Variants in PPM1E observed in about 807,000 individuals in gnomAD.
PPM1E encodes protein phosphatase 1E.
PPM1E carries 20 observed loss-of-function variants against 65.9 expected under a neutral mutation model. The ratio of observed to expected loss-of-function variants is 0.30; its 90% CI spans 0.21 to 0.44. The LOEUF (loss-of-function observed/expected upper bound fraction) is 0.44. Among genes scored for constraint, PPM1E ranks in the 20% least tolerant of loss-of-function variants. The pLI, the probability that PPM1E is intolerant of heterozygous loss-of-function variation, is 1.00. For synonymous variants in PPM1E, 352 were observed against 374.9 expected, an observed-to-expected ratio of 0.94 and a Z score of 0.70; for missense variants, 713 against 953.1, an observed-to-expected ratio of 0.75 and a Z score of 3.32.
chr17:58,755,975 T>A lies in PPM1E; in HGVS notation c.-23T>A. 1 of 1,613,696 alleles carries A rather than the reference T, an allele frequency of 6.2e-7. No individual in the cohort carries two copies. Among genetic ancestry groups the A allele is most frequent in the Non-Finnish European group, 8.5e-7 (1 of 1,179,770 alleles). ...GGGCTTCCCCCAACCCCTTTCCCGGTCTGCCCTGGGGCATGAGCAGCGATG... is the reference window on the plus strand; with the variant it reads ...GGGCTTCCCCCAACCCCTTTCCCGGACTGCCCTGGGGCATGAGCAGCGATG... On this transcript the variant is annotated 5_prime_UTR_variant, in exon 1 of 7. Transcript: ENST00000308249.
intron 1 of PPM1E, among the ~76,000 whole-genome samples, chr17:58,890,393 C>T (rs1054765056): frequency 2.6e-5 from 4 of 151,936 alleles, no homozygotes; most frequent in East Asian, 3.8e-4. Flanking sequence ...AAAAACATAG[C>T]GTGAAAGAGA....
chr17:58,919,852 A>G (rs115781551), intron 1 of PPM1E, among the ~76,000 whole-genome samples: 1,699 of 152,284 alleles, frequency 0.011, 38 homozygotes, highest in African/African-American at 0.039. Flanking sequence ...ATTGTGGTAC[A>G]TTACTCAAAA....
chr17:58,915,860 T>C (rs1246739258), intron 1 of PPM1E, among the ~76,000 whole-genome samples: 1 of 152,194 alleles, frequency 6.6e-6, no homozygotes, highest in African/African-American at 2.4e-5. Context: ...GTGTTCTAGG[T>C]CCCACCCCAT....
chr17:58,795,758 G>C (rs929270073), intron 1 of PPM1E, among the ~76,000 whole-genome samples: 7 of 152,048 alleles, frequency 4.6e-5, no homozygotes, highest in African/African-American at 1.7e-4. Flanking sequence ...ATCTCATTGG[G>C]GTTTTGACTT....
intron 1 of PPM1E, among the ~76,000 whole-genome samples, chr17:58,778,325 C>T (rs2050014020): frequency 1.3e-5 from 2 of 151,536 alleles, no homozygotes; most frequent in Non-Finnish European, 1.5e-5. Flanking sequence ...GTCTTGAACT[C>T]CTGACCTCAG....
intron 1 of PPM1E, among the ~76,000 whole-genome samples, chr17:58,781,482 T>C (rs2050049113): frequency 6.6e-6 from 1 of 150,918 alleles, no homozygotes; most frequent in African/African-American, 2.4e-5. Context: ...GCCAACCAAA[T>C]TCATTTGAAT....
At chr17:58,844,886 G>A (rs1274520006) in intron 1 of PPM1E, among the ~76,000 whole-genome samples, 1 of 152,190 alleles carries the variant, frequency 6.6e-6, no homozygotes, top group Non-Finnish European at 1.5e-5. Context: ...TTTGAACTAA[G>A]AGACTAAAGA....
At chr17:58,902,774 GT>G (rs2051512995) in intron 1 of PPM1E, among the ~76,000 whole-genome samples, 1 of 152,050 alleles carries the variant, frequency 6.6e-6, no homozygotes, top group African/African-American at 2.4e-5. Flanking sequence ...AGATATAGGG[GT>G]TGTGAAACAC....
intron 1 of PPM1E, among the ~76,000 whole-genome samples, chr17:58,931,443 G>A (rs2051897812): frequency 6.6e-6 from 1 of 151,940 alleles, no homozygotes. Context: ...AGGAAGGGAG[G>A]AAGGAAAGGA....
chr17:58,823,561 T>A (rs894862728), intron 1 of PPM1E, among the ~76,000 whole-genome samples: 3 of 152,198 alleles, frequency 2.0e-5, no homozygotes, highest in African/African-American at 7.2e-5. Flanking sequence ...TCACCTGTTG[T>A]TCAGTTATTT....
chr17:58,875,073 C>A (rs115544859), intron 1 of PPM1E, among the ~76,000 whole-genome samples: 5 of 151,986 alleles, frequency 3.3e-5, no homozygotes, highest in African/African-American at 1.2e-4. Context: ...CCTTACTTGG[C>A]TAATTATAAA....
intron 1 of PPM1E, among the ~76,000 whole-genome samples, chr17:58,786,108 G>T (rs962008013): frequency 6.7e-6 from 1 of 150,116 alleles, no homozygotes; most frequent in Non-Finnish European, 1.5e-5. Context: ...TCCGCCTCCC[G>T]GGTTCACGCC....
chr17:58,948,413 T>C (rs141291434), intron 1 of PPM1E, among the ~76,000 whole-genome samples: 2 of 152,244 alleles, frequency 1.3e-5, no homozygotes, highest in African/African-American at 2.4e-5. Flanking sequence ...CAAGATTTCA[T>C]TGAGGCCAAG....
chr17:58,929,995 C>A lies in PPM1E; in HGVS notation c.465-25654C>A, dbSNP rs182590628. On this transcript the variant is annotated intron_variant, in intron 1 of 6. Transcript: ENST00000308249. ...ATTATTTTCAATATCAGAAATTCTT[C>A]CTGCTATCTCTGTTTTGAAAATTTA... 7.2e-5 allele frequency among the ~76,000 whole-genome samples: 11 copies of A among 152,194 alleles called. No homozygotes were observed. In the East Asian group the frequency reaches 1.9e-3, roughly 27 times the overall value.
intron 6 of PPM1E, among the ~76,000 whole-genome samples, chr17:58,974,481 A>C (rs2143760617): frequency 6.6e-6 from 1 of 152,346 alleles, no homozygotes; most frequent in East Asian, 1.9e-4. Flanking sequence ...TTGGCTGGAC[A>C]AAATACAAGG....
chr17:58,799,177 C>G (rs1419164998), intron 1 of PPM1E, among the ~76,000 whole-genome samples: 1 of 152,192 alleles, frequency 6.6e-6, no homozygotes, highest in Non-Finnish European at 1.5e-5. Flanking sequence ...TGTTGAAAAT[C>G]AGTTGATAGT....
rs146498556 is a variant in PPM1E at position 58,783,997 on chromosome 17, C to T, written c.464+27536C>T. Among the ~76,000 whole-genome samples the T allele has an allele frequency of 1.1e-3, 160 of 151,378 alleles. 2 individuals are homozygous for T. In the East Asian group the frequency reaches 0.028, roughly 27 times the overall value. ...AAGTGTTGGGATTACAGGTGTGAGC[C>T]ACCGTGCCCGGCCTGTTTTTTTTGT... On this transcript the variant is annotated intron_variant, in intron 1 of 6. Coordinates refer to ENST00000308249, the MANE Select transcript of PPM1E (RefSeq NM_014906.5).
At position 58,846,377 on chromosome 17, in the gene PPM1E, G is replaced by A. The variant is rs552065132; in HGVS notation, c.464+89916G>A. Among the ~76,000 whole-genome samples the A allele has an allele frequency of 1.2e-4, 18 of 152,032 alleles. No homozygotes were observed. In the South Asian group the frequency reaches 2.5e-3, roughly 21 times the overall value. ...GTTGGTGTGCTGCACCCATTAACTC[G>A]TCATTTAGCATTAGGTATATCTCCT... On this transcript the variant is annotated intron_variant, in intron 1 of 6. Transcript: ENST00000308249.
intron 1 of PPM1E, among the ~76,000 whole-genome samples, chr17:58,884,078 C>T (rs1376495089): frequency 3.9e-5 from 6 of 152,212 alleles, no homozygotes; most frequent in African/African-American, 1.4e-4. Context: ...CCTGCGTCCT[C>T]TACTGTACCT....
Sources: gnomAD v4.1 joint callset for allele counts (sites outside exome capture counted in the v4.1 genomes callset) on GRCh38, gnomAD v4.1.1 for gene constraint, MANE v1.5 for transcripts, NCBI Gene and HGNC (gene_info 2026-07-23, HGNC 2026-07-21) for gene names.